BMPR1B: variants seen among roughly 807,000 people sequenced by gnomAD.
BMPR1B encodes the protein bone morphogenetic protein receptor type-1B.
In BMPR1B, 12 loss-of-function variants were observed where a neutral mutation model predicts 59.1. That is an observed-to-expected ratio of 0.20 (90% CI 0.13 to 0.33). The LOEUF is 0.33. Ranked by LOEUF, BMPR1B falls within the 10% of genes least tolerant of loss-of-function variation. The pLI, the probability that BMPR1B is intolerant of heterozygous loss-of-function variation, is 1.00. For missense variants in BMPR1B, 550 were observed against 610.9 expected, an observed-to-expected ratio of 0.90 and a Z score of 1.05; for synonymous variants, 237 against 207.3, an observed-to-expected ratio of 1.14 and a Z score of -1.23.
At chr4:94,925,011 A>G (rs929355184) in intron 2 of BMPR1B, among the ~76,000 whole-genome samples, 5 of 152,098 alleles carry the variant, frequency 3.3e-5, no homozygotes, top group African/African-American at 1.2e-4. Context: ...TAGTTTCCTC[A>G]CCTATTAAGT....
intron 3 of BMPR1B, among the ~76,000 whole-genome samples, chr4:95,003,547 C>T (rs1486407455): frequency 6.6e-6 from 1 of 152,002 alleles, no homozygotes; most frequent in Non-Finnish European, 1.5e-5. Flanking sequence ...TAAGCCAGAC[C>T]AAATAATATA....
intron 1 of BMPR1B, among the ~76,000 whole-genome samples, chr4:94,787,919 G>A (rs775381635): frequency 6.6e-6 from 1 of 152,166 alleles, no homozygotes; most frequent in South Asian, 2.1e-4. Flanking sequence ...CATTTGGATA[G>A]GAGGTTTGAG....
intron 1 of BMPR1B, among the ~76,000 whole-genome samples, chr4:94,865,605 C>G (rs1726193030): frequency 6.6e-6 from 1 of 151,934 alleles, no homozygotes; most frequent in Admixed American, 6.6e-5. Context: ...ATTGGCCAGG[C>G]TGGTCTTGAA....
intron 3 of BMPR1B, among the ~76,000 whole-genome samples, chr4:95,006,884 T>C (rs1275506221): frequency 6.6e-6 from 1 of 152,074 alleles, no homozygotes; most frequent in Non-Finnish European, 1.5e-5. Flanking sequence ...TATGACTCTC[T>C]TTTAAAATAA....
chr4:94,771,732 T>G (rs1722192056), intron 1 of BMPR1B, among the ~76,000 whole-genome samples: 1 of 152,248 alleles, frequency 6.6e-6, no homozygotes, highest in Non-Finnish European at 1.5e-5. Flanking sequence ...TTACTAATAT[T>G]GACTTTTCTG....
chr4:94,993,760 CAAAAAA>C (rs34395946), intron 2 of BMPR1B, among the ~76,000 whole-genome samples: 5 of 68,562 alleles, frequency 7.3e-5, no homozygotes, highest in South Asian at 1.2e-3. Flanking sequence ...GACTCCATCT[CAAAAAA>C]AAAAAAAAAA....
At chr4:94,887,698 A>G (rs374923470) in intron 2 of BMPR1B, among the ~76,000 whole-genome samples, 4 of 152,150 alleles carry the variant, frequency 2.6e-5, no homozygotes, top group African/African-American at 9.6e-5. Flanking sequence ...GAAAAAGACC[A>G]AGAGGATACA....
chr4:94,841,873 T>A (rs1157541485), intron 1 of BMPR1B, among the ~76,000 whole-genome samples: 1 of 152,218 alleles, frequency 6.6e-6, no homozygotes, highest in South Asian at 2.1e-4. Flanking sequence ...TAATATTTCT[T>A]TGTGTACATT....
intron 1 of BMPR1B, among the ~76,000 whole-genome samples, chr4:94,789,445 C>G (rs1204331403): frequency 1.3e-5 from 2 of 152,158 alleles, no homozygotes; most frequent in Middle Eastern, 3.2e-3. Context: ...GTGTCTTGAA[C>G]CACCACTGCA....
rs1342853964 is a variant in BMPR1B at position 95,155,831 on chromosome 4, C to T, written c.*1158C>T. Reference sequence around the variant, plus strand: ...TCTGAGATAAGGGATAGAGAGGAAACATCCGTCAGGCTAATTTAACTACAT... The same window carrying T: ...TCTGAGATAAGGGATAGAGAGGAAATATCCGTCAGGCTAATTTAACTACAT... On this transcript the variant is annotated 3_prime_UTR_variant, in exon 13 of 13. Transcript: ENST00000515059. 6.6e-6 allele frequency: 1 copy of T among 152,090 alleles called. No homozygotes were observed. The highest frequency in any genetic ancestry group is 1.5e-5 in the Non-Finnish European group (1 of 68,006). The allele number at this position is 152,090 out of a possible 1,614,324, so 9.4% of individuals were successfully genotyped here.
At chr4:94,953,146 A>G (rs545997406) in intron 2 of BMPR1B, among the ~76,000 whole-genome samples, 1 of 151,776 alleles carries the variant, frequency 6.6e-6, no homozygotes, top group East Asian at 1.9e-4. Flanking sequence ...TTTTGAGCCT[A>G]TGTGTGTCTC....
chr4:94,942,577 G>A (rs999842603), intron 2 of BMPR1B, among the ~76,000 whole-genome samples: 1 of 152,174 alleles, frequency 6.6e-6, no homozygotes, highest in African/African-American at 2.4e-5. Context: ...AGGAGGGTTT[G>A]CCTTGAGTTA....
intron 3 of BMPR1B, among the ~76,000 whole-genome samples, chr4:95,056,651 T>G (rs530267756): frequency 6.6e-6 from 1 of 152,202 alleles, no homozygotes; most frequent in South Asian, 2.1e-4. Flanking sequence ...TAAAATTCTT[T>G]AATGGACGCT....
chr4:95,143,844 A>G (rs779304403), intron 10 of BMPR1B, among the ~76,000 whole-genome samples: 32 of 152,184 alleles, frequency 2.1e-4, no homozygotes, highest in Non-Finnish European at 3.4e-4. Flanking sequence ...TTGCATTATC[A>G]GCCGATAGCT....
chr4:95,003,291 G>A (rs1024186290), intron 3 of BMPR1B, among the ~76,000 whole-genome samples: 1 of 152,052 alleles, frequency 6.6e-6, no homozygotes, highest in Non-Finnish European at 1.5e-5. Context: ...TTACTGAATC[G>A]TTCTCCCCCT....
At chr4:95,004,448 A>G (rs1333739001) in intron 3 of BMPR1B, among the ~76,000 whole-genome samples, 1 of 152,188 alleles carries the variant, frequency 6.6e-6, no homozygotes, top group African/African-American at 2.4e-5. Flanking sequence ...AATATTATGC[A>G]TCAGTATTTG....
intron 3 of BMPR1B, among the ~76,000 whole-genome samples, chr4:94,997,574 A>G (rs1159243263): frequency 6.6e-6 from 1 of 152,210 alleles, no homozygotes; most frequent in East Asian, 1.9e-4. Context: ...TTGATAGCTT[A>G]AACTGTATTT....
intron 10 of BMPR1B, among the ~76,000 whole-genome samples, chr4:95,144,905 A>G (rs1734531735): frequency 6.6e-6 from 1 of 152,174 alleles, no homozygotes; most frequent in South Asian, 2.1e-4. Context: ...GTTTATTTAT[A>G]TCACTTTTGT....
intron 1 of BMPR1B, among the ~76,000 whole-genome samples, chr4:94,786,714 AT>A (rs35776922): frequency 0.24 from 35,790 of 146,120 alleles, 4,799 homozygotes; most frequent in African/African-American, 0.38. Flanking sequence ...AATTTTTTGT[AT>A]TTTTTTTTTT....
Sources: allele counts gnomAD v4.1 joint callset (sites outside exome capture counted in the v4.1 genomes callset), GRCh38; gene constraint gnomAD v4.1.1; transcripts MANE v1.5; gene names NCBI Gene and HGNC (gene_info 2026-07-23, HGNC 2026-07-21).